IVD: variants seen among roughly 807,000 people sequenced by gnomAD.
The protein encoded by IVD is isovaleryl-CoA dehydrogenase, mitochondrial.
Under a neutral mutation model 51.3 loss-of-function variants are expected in IVD, and 31 were observed. The observed-to-expected ratio is 0.60, with a 90% CI of 0.45 to 0.81. The LOEUF is 0.81. Among genes scored for constraint, IVD ranks in the 40% least tolerant of loss-of-function variants. IVD has a pLI of 0.00. For missense variants in IVD, 475 were observed against 552.0 expected, an observed-to-expected ratio of 0.86 and a Z score of 1.40; for synonymous variants, 205 against 219.4, an observed-to-expected ratio of 0.93 and a Z score of 0.58.
chr15:40,410,834 A>C, intron 4 of IVD, 37 bp downstream of exon 4: 2 of 1,609,854 alleles, frequency 1.2e-6, no homozygotes, highest in South Asian at 1.1e-5. Flanking sequence ...CTAATCTCAC[A>C]GTGCAACCAC....
chr15:40,433,231 T>C (rs1300775203), intron 7 of IVD, among the ~76,000 whole-genome samples: 1 of 152,346 alleles, frequency 6.6e-6, no homozygotes, highest in Non-Finnish European at 1.5e-5. Flanking sequence ...TCCAAGCCTA[T>C]GTGATCTTGG....
intron 3 of IVD, among the ~76,000 whole-genome samples, chr15:40,408,555 T>G (rs1890710704): frequency 6.6e-6 from 1 of 152,070 alleles, no homozygotes; most frequent in Admixed American, 6.6e-5. Context: ...ATGATGTGTT[T>G]AATAGGCTGT....
intron 7 of IVD, among the ~76,000 whole-genome samples, chr15:40,431,274 G>A (rs1405422173): frequency 3.3e-5 from 5 of 151,918 alleles, no homozygotes; most frequent in Admixed American, 6.6e-5. Flanking sequence ...GTGAGCCACC[G>A]TGCCCAGCCG....
chr15:40,421,000 A>G lies in IVD; in HGVS notation c.*2737A>G. 1.0e-6 allele frequency: 1 copy of G among 985,424 alleles called. No homozygotes were observed. Among genetic ancestry groups the G allele is most frequent in the African/African-American group, 1.7e-5 (1 of 57,358 alleles). The allele number at this position is 985,424 out of a possible 1,614,324, so 61.0% of individuals were successfully genotyped here. A position where few individuals can be genotyped will look rare whatever the true frequency, so the allele number is the denominator to read the frequency against. Reference sequence around the variant, plus strand: ...TGCTGTTCCTAGCCTGAGGCTTGAGACAGGTGGGGTTGGCTCCTCACCAAC... The same window carrying G: ...TGCTGTTCCTAGCCTGAGGCTTGAGGCAGGTGGGGTTGGCTCCTCACCAAC... On this transcript the variant is annotated 3_prime_UTR_variant, in exon 12 of 12. Transcript: ENST00000487418.
chr15:40,409,733 A>C (rs969625296), intron 3 of IVD, among the ~76,000 whole-genome samples: 1 of 152,110 alleles, frequency 6.6e-6, no homozygotes, highest in African/African-American at 2.4e-5. Flanking sequence ...AGGAGTTCTG[A>C]AATTCTCTGC....
chr15:40,424,797 A>G (rs1892570157), downstream of IVD, among the ~76,000 whole-genome samples: 1 of 152,254 alleles, frequency 6.6e-6, no homozygotes, highest in Non-Finnish European at 1.5e-5. Context: ...CTTTGAGGTC[A>G]AAGACCCTCT....
At chr15:40,433,378 C>T (rs1167643812) in intron 7 of IVD, among the ~76,000 whole-genome samples, 1 of 152,176 alleles carries the variant, frequency 6.6e-6, no homozygotes, top group African/African-American at 2.4e-5. Flanking sequence ...GTAAGAGACA[C>T]CTGCCCCCTC....
chr15:40,432,251 T>A (rs1437330103), intron 7 of IVD, among the ~76,000 whole-genome samples: 1 of 152,200 alleles, frequency 6.6e-6, no homozygotes, highest in African/African-American at 2.4e-5. Flanking sequence ...GCCTATCATA[T>A]CTAAGTCTTG....
At chr15:40,409,670 C>G (rs1246702756) in intron 3 of IVD, among the ~76,000 whole-genome samples, 2 of 152,084 alleles carry the variant, frequency 1.3e-5, no homozygotes, top group Non-Finnish European at 2.9e-5. Flanking sequence ...TATCAGGTGT[C>G]TCAGCCACTT....
chr15:40,423,407 C>G (rs1334016675), downstream of IVD, among the ~76,000 whole-genome samples: 1 of 152,218 alleles, frequency 6.6e-6, no homozygotes, highest in Non-Finnish European at 1.5e-5. Flanking sequence ...TCACTTCATA[C>G]CTCTAAGTGA....
downstream of IVD, among the ~76,000 whole-genome samples, chr15:40,427,072 A>G (rs1892712664): frequency 6.6e-6 from 1 of 152,214 alleles, no homozygotes; most frequent in South Asian, 2.1e-4. Context: ...TTGAAGAAAA[A>G]AAGGTATTCC....
At chr15:40,433,545 G>A (rs1250151170) in intron 7 of IVD, among the ~76,000 whole-genome samples, 2 of 152,146 alleles carry the variant, frequency 1.3e-5, no homozygotes, top group Non-Finnish European at 2.9e-5. Context: ...TTCCTCAGGG[G>A]AGAAGTCATA....
chr15:40,408,150 C>T (rs1890668238), intron 3 of IVD, among the ~76,000 whole-genome samples, 160 bp downstream of exon 3: 1 of 152,222 alleles, frequency 6.6e-6, no homozygotes, highest in Non-Finnish European at 1.5e-5. Flanking sequence ...GCCCAGAGAA[C>T]AGGACACTCT....
At chr15:40,435,850 C>A, downstream of IVD, 1 of 304,150 alleles carries the variant, frequency 3.3e-6, no homozygotes, top group South Asian at 1.3e-4. Flanking sequence ...GGAACGTCCC[C>A]GCACCTCACC....
rs376847284 is a variant in IVD at position 40,411,715 on chromosome 15, C to T, written c.687+24C>T. ...AGGTGAGTATAGGTGGGTGCAGGGCCAGGAGGCTTCTGCCTCCTGACAGTG... is the reference window on the plus strand; with the variant it reads ...AGGTGAGTATAGGTGGGTGCAGGGCTAGGAGGCTTCTGCCTCCTGACAGTG... On this transcript the variant is annotated intron_variant, in intron 6 of 11. Coordinates refer to ENST00000487418, the MANE Select transcript of IVD (RefSeq NM_002225.5). 1,015 of 1,613,696 alleles carry T rather than the reference C, an allele frequency of 6.3e-4. 1 individual carries two copies. Among genetic ancestry groups the T allele is most frequent in the Non-Finnish European group, 8.2e-4 (962 of 1,179,838 alleles).
At position 40,420,655 on chromosome 15, in the gene IVD, G is replaced by C; in HGVS notation, c.*2392G>C. ...AGTTTTAAAGGAAGCAGGGAGCCCAGAGTGCTAAGTTCTTACAGCCAGAAG... is the reference window on the plus strand; with the variant it reads ...AGTTTTAAAGGAAGCAGGGAGCCCACAGTGCTAAGTTCTTACAGCCAGAAG... On this transcript the variant is annotated 3_prime_UTR_variant, in exon 12 of 12. Transcript: ENST00000487418. 1.0e-6 allele frequency: 1 copy of C among 987,538 alleles called. No individual in the cohort carries two copies. Among genetic ancestry groups the C allele is most frequent in the Non-Finnish European group, 1.2e-6 (1 of 830,118 alleles). The allele number at this position is 987,538 out of a possible 1,614,324, so 61.2% of individuals were successfully genotyped here.
At chr15:40,421,411 A>G (rs1892289158), downstream of IVD, 3 of 985,052 alleles carry the variant, frequency 3.0e-6, no homozygotes, top group Non-Finnish European at 3.6e-6. Context: ...CTGCAGCACC[A>G]GCTGCCAGCA....
In IVD at chr15:40,411,363, C is replaced by G. The variant is rs762786940; in HGVS notation, c.550+10C>G. On this transcript the variant is annotated intron_variant, in intron 5 of 11. Coordinates refer to ENST00000487418, the MANE Select transcript of IVD (RefSeq NM_002225.5). ...AAAGCGGAAAAGAAAGGTGAGGCCA[C>G]TCTCAACTTGGGAGCCAAAATGGGC... The G allele has an allele frequency of 6.2e-7, 1 of 1,613,898 alleles. No individual in the cohort carries two copies. Among genetic ancestry groups the G allele is most frequent in the Non-Finnish European group, 8.5e-7 (1 of 1,179,782 alleles).
downstream of IVD, among the ~76,000 whole-genome samples, chr15:40,427,553 C>G (rs1289403706): frequency 6.6e-6 from 1 of 152,200 alleles, no homozygotes; most frequent in Non-Finnish European, 1.5e-5. Flanking sequence ...TTTCTATTTA[C>G]AGGAATAGAG....
Sources: allele counts gnomAD v4.1 joint callset (sites outside exome capture counted in the v4.1 genomes callset), GRCh38; gene constraint gnomAD v4.1.1; transcripts MANE v1.5; gene names NCBI Gene and HGNC (gene_info 2026-07-23, HGNC 2026-07-21).